DNAJB14: variants seen among roughly 807,000 people sequenced by gnomAD.
DNAJB14 encodes the protein DnaJ heat shock protein family (Hsp40) member B14.
In DNAJB14, 22 loss-of-function variants were observed where a neutral mutation model predicts 48.4. That is an observed-to-expected ratio of 0.45 (90% CI 0.32 to 0.65). The LOEUF is 0.65. Ranked by LOEUF, DNAJB14 falls within the 30% of genes least tolerant of loss-of-function variation. The pLI is 0.03. For missense variants in DNAJB14, 319 were observed against 458.8 expected, an observed-to-expected ratio of 0.70 and a Z score of 2.78; for synonymous variants, 142 against 158.7, an observed-to-expected ratio of 0.89 and a Z score of 0.79.
Position 99,905,610 on chromosome 4 carries a change from A to G in DNAJB14, c.829T>C (p.Leu277=), listed in dbSNP as rs544754032. 2.5e-6 allele frequency: 4 copies of G among 1,609,174 alleles called. No individual in the cohort carries two copies. In the African/African-American group the frequency reaches 5.3e-5, roughly 21 times the overall value. ...TTGGCTACTTACGATCTGGGATATA[A>G]GGAATAAGGAGGATTAGAGACCATC... ...QLMVSNPPYS[L]YPRSGTGQTI... The change falls in exon 6 of 8, where the codon TTA becomes CTA. Residue 277 remains leucine (L), a synonymous_variant. Transcript: ENST00000442697.
intron 1 of DNAJB14, among the ~76,000 whole-genome samples, chr4:99,934,816 A>G (rs1369221601): frequency 2.0e-5 from 3 of 147,224 alleles, no homozygotes; most frequent in African/African-American, 7.4e-5. Flanking sequence ...AAAAAAAAAA[A>G]AAAGAAAAGA....
Position 99,900,516 on chromosome 4 carries a change from T to C in DNAJB14, c.*512A>G, listed in dbSNP as rs566665778. On this transcript the variant is annotated 3_prime_UTR_variant, in exon 8 of 8. Coordinates refer to ENST00000442697, the MANE Select transcript of DNAJB14 (RefSeq NM_001031723.4). ...ACACAAAGTTAAAGTTTTTGTTTTTTCTTTTTGAAAAAGTTTCATTGTTTA... is the reference window on the plus strand; with the variant it reads ...ACACAAAGTTAAAGTTTTTGTTTTTCCTTTTTGAAAAAGTTTCATTGTTTA... 6.6e-6 allele frequency: 1 copy of C among 152,328 alleles called. No homozygotes were observed. Among genetic ancestry groups the C allele is most frequent in the Non-Finnish European group, 1.5e-5 (1 of 67,960 alleles). The allele number at this position is 152,328 out of a possible 1,614,324, so 9.4% of individuals were successfully genotyped here. A position where few individuals can be genotyped will look rare whatever the true frequency, so the allele number is the denominator to read the frequency against.
At chr4:99,920,155 G>A (rs1194254092) in intron 3 of DNAJB14, among the ~76,000 whole-genome samples, 1 of 152,070 alleles carries the variant, frequency 6.6e-6, no homozygotes, top group African/African-American at 2.4e-5. Flanking sequence ...TGTAAAAATG[G>A]GAATGAAAAA....
rs1725439461 is a variant in DNAJB14, at chr4:99,905,694, C to T, written c.745G>A (p.Val249Met). ...EEERGDGGFS[V>M]FIQLMPIIVL... The stretch of plus-strand genomic sequence containing the variant: ...ATTATGGGCATCAGCTGGATAAACA[C>T]AGAAAAACCTCCCTATAAAAAATGA... Residue 249 changes from valine (V) to methionine (M), a missense_variant, in exon 6 of 8, where the codon GTG becomes ATG. By Grantham distance (21) the Val-to-Met change is conservative. Around this residue, in one of 3 missense-constraint regions of DNAJB14, gnomAD observed 166 missense variants for 236.3 expected, o/e 0.70. Coordinates refer to ENST00000442697, the MANE Select transcript of DNAJB14 (RefSeq NM_001031723.4). The T allele has an allele frequency of 6.2e-7, 1 of 1,612,300 alleles. No individual in the cohort carries two copies. The highest frequency in any genetic ancestry group is 1.3e-5 in the African/African-American group (1 of 74,820).
chr4:99,924,598 T>C, intron 2 of DNAJB14: 1 of 751,544 alleles, frequency 1.3e-6, no homozygotes, highest in Non-Finnish European at 2.0e-6. Flanking sequence ...ATAATATTTA[T>C]TGAATACTAA....
In DNAJB14 at chr4:99,940,952, T is replaced by TA. The variant is rs370865641; in HGVS notation, c.133+5486_133+5487insT. On this transcript the variant is annotated intron_variant, in intron 1 of 7. Transcript: ENST00000442697. ...GAGACAATCCCTATATATATATATA[T>TA]TTTTTTTTTGGAACACTTGGGCTGA... is the stretch of plus-strand genomic sequence containing the variant. 9.3e-3 allele frequency among the ~76,000 whole-genome samples: 1,383 copies of TA among 148,786 alleles called. 32 individuals carry two copies. Among genetic ancestry groups the TA allele is most frequent in the Middle Eastern group, 0.01 (3 of 286 alleles).
rs1473544308 is a variant in DNAJB14, at chr4:99,899,009, C to T, written c.*2019G>A. 6.6e-6 allele frequency: 1 copy of T among 151,846 alleles called. No homozygotes were observed. Among genetic ancestry groups the T allele is most frequent in the Non-Finnish European group, 1.5e-5 (1 of 67,794 alleles). The allele number at this position is 151,846 out of a possible 1,614,324, so 9.4% of individuals were successfully genotyped here. ...GAAAATTTTATCAAACACATTTTCC[C>T]TAGCATTTTATGAAATTTAATGGAA... On this transcript the variant is annotated 3_prime_UTR_variant, in exon 8 of 8. Transcript: ENST00000442697.
intron 1 of DNAJB14, chr4:99,942,588 TC>T (rs1220626357): frequency 1.3e-5 from 2 of 152,078 alleles, no homozygotes; most frequent in African/African-American, 4.8e-5. Flanking sequence ...CACTTAGAAG[TC>T]CACTGCAATA....
intron 3 of DNAJB14, among the ~76,000 whole-genome samples, chr4:99,917,904 C>A (rs566586848): frequency 6.6e-6 from 1 of 152,036 alleles, no homozygotes; most frequent in East Asian, 1.9e-4. Flanking sequence ...TGTTTTCAAG[C>A]CTTTGTCTTT....
chr4:99,936,517 G>T (rs957120246), intron 1 of DNAJB14, among the ~76,000 whole-genome samples: 2 of 152,030 alleles, frequency 1.3e-5, no homozygotes, highest in South Asian at 2.1e-4. Context: ...CCACTGATAG[G>T]GCTAGAAACA....
rs535111626 is a variant in DNAJB14, at chr4:99,901,008, G to C, written c.*20C>G. 6.3e-7 allele frequency: 1 copy of C among 1,599,518 alleles called. No homozygotes were observed. Among genetic ancestry groups the C allele is most frequent in the Non-Finnish European group, 8.5e-7 (1 of 1,175,850 alleles). On this transcript the variant is annotated 3_prime_UTR_variant, in exon 8 of 8. Transcript: ENST00000442697. Reference sequence around the variant, plus strand: ...GAAAAAATAAAGAGTACGCTAAAAGGTATAAATAAAAATTCCAGTTCATCC... The same window carrying C: ...GAAAAAATAAAGAGTACGCTAAAAGCTATAAATAAAAATTCCAGTTCATCC...
chr4:99,936,216 A>T (rs1726669030), intron 1 of DNAJB14, among the ~76,000 whole-genome samples: 1 of 152,212 alleles, frequency 6.6e-6, no homozygotes. Flanking sequence ...TGTTACATAA[A>T]AGGGAAAATG....
intron 3 of DNAJB14, among the ~76,000 whole-genome samples, chr4:99,910,948 T>C (rs1275998341): frequency 6.6e-6 from 1 of 152,082 alleles, no homozygotes; most frequent in Non-Finnish European, 1.5e-5. Flanking sequence ...AAACAGGATA[T>C]TGACACTGAT....
chr4:99,917,941 G>A (rs889149069), intron 3 of DNAJB14, among the ~76,000 whole-genome samples: 1 of 152,110 alleles, frequency 6.6e-6, no homozygotes, highest in Non-Finnish European at 1.5e-5. Flanking sequence ...ACAACGATGT[G>A]TCTTGGTGTG....
chr4:99,933,961 T>C (rs1726575606), intron 1 of DNAJB14, among the ~76,000 whole-genome samples: 1 of 151,896 alleles, frequency 6.6e-6, no homozygotes, highest in Admixed American at 6.6e-5. Flanking sequence ...CTGGGAAAAG[T>C]GTGTAAAAAG....
chr4:99,944,659 C>A (rs567192381), intron 1 of DNAJB14, among the ~76,000 whole-genome samples: 2 of 151,802 alleles, frequency 1.3e-5, no homozygotes, highest in African/African-American at 4.8e-5. Flanking sequence ...CTGTAACCTC[C>A]ATCTCCCGAG....
chr4:99,946,262 G>A (rs1006043102), intron 1 of DNAJB14, among the ~76,000 whole-genome samples, 177 bp downstream of exon 1: 8 of 152,152 alleles, frequency 5.3e-5, no homozygotes, highest in African/African-American at 9.6e-5. Context: ...GCCCGGAGCC[G>A]GGGCTGGGGC....
At chr4:99,919,333 C>T (rs568440228) in intron 3 of DNAJB14, among the ~76,000 whole-genome samples, 65 of 152,098 alleles carry the variant, frequency 4.3e-4, no homozygotes, top group Admixed American at 1.3e-3. Flanking sequence ...ACTGGTAATC[C>T]CAGCACTTTG....
chr4:99,912,706 C>T (rs1394790172), intron 3 of DNAJB14, among the ~76,000 whole-genome samples: 2 of 152,032 alleles, frequency 1.3e-5, no homozygotes, highest in Admixed American at 1.3e-4. Flanking sequence ...CTAAAGCTCC[C>T]GATCTCAGGT....
Sources: allele counts gnomAD v4.1 joint callset (sites outside exome capture counted in the v4.1 genomes callset), GRCh38; gene constraint gnomAD v4.1.1; regional missense constraint gnomAD v4.1.1; transcripts MANE v1.5; gene names NCBI Gene and HGNC (gene_info 2026-07-23, HGNC 2026-07-21).